EZR: variants seen among roughly 807,000 people sequenced by gnomAD.
The protein encoded by EZR is cytovillin 2.
Under a neutral mutation model 74.8 loss-of-function variants are expected in EZR, and 40 were observed. The observed-to-expected ratio is 0.53, with a 90% CI of 0.42 to 0.70. The LOEUF (loss-of-function observed/expected upper bound fraction) is 0.70, where lower values mean the gene tolerates loss of function less well. EZR is among the 30% of genes least tolerant of loss of function. The pLI, the probability that EZR is intolerant of heterozygous loss-of-function variation, is 0.00. For missense variants in EZR, 678 were observed against 755.8 expected (o/e 0.90, Z 1.21); for synonymous variants, 341 against 283.3 (o/e 1.20, Z -2.05).
In EZR at chr6:158,818,086, T is replaced by G; in HGVS notation, c.8A>C (p.Lys3Thr). 1 of 1,609,300 alleles carries G rather than the reference T, an allele frequency of 6.2e-7. No individual in the cohort carries two copies. The highest frequency in any genetic ancestry group is 8.5e-7 in the Non-Finnish European group (1 of 1,176,784). ...CCCAGAAACTGGGCAACTTACTGGT[T>G]TCGGCATTTTCGGTTTCTGGTGAGT... MP[K>T]PINVRVTTMD... The change falls in exon 2 of 14, where the codon AAA (lysine) becomes ACA (threonine). Residue 3 changes from lysine (K) to threonine (T), a missense_variant. By Grantham distance (78) the Lys-to-Thr change is moderately conservative. Around this residue, in one of 3 missense-constraint regions of EZR, gnomAD observed 217 missense variants for 232.2 expected, o/e 0.93. Coordinates refer to ENST00000367075, the MANE Select transcript of EZR (RefSeq NM_001111077.2).
chr6:158,817,150 A>G (rs534406511), intron 2 of EZR, among the ~76,000 whole-genome samples: 6 of 152,348 alleles, frequency 3.9e-5, no homozygotes, highest in South Asian at 2.1e-4. Flanking sequence ...AACCAAAAAA[A>G]AATTCCAGAT....
At chr6:158,783,424 T>C in intron 7 of EZR, 96 bp downstream of exon 7, 1 of 1,042,004 alleles carries the variant, frequency 9.6e-7, no homozygotes, top group Non-Finnish European at 1.3e-6. Flanking sequence ...AGTTGCTAAA[T>C]AAATACTTCA....
intron 7 of EZR, among the ~76,000 whole-genome samples, chr6:158,776,873 A>ACCTCT (rs1583561510): frequency 2.6e-5 from 4 of 151,656 alleles, no homozygotes. Flanking sequence ...ACACTCACCT[A>ACCTCT]CCTCTCATCC....
chr6:158,773,630 A>C (rs1033464439), intron 8 of EZR, among the ~76,000 whole-genome samples: 1 of 152,254 alleles, frequency 6.6e-6, no homozygotes, highest in Non-Finnish European at 1.5e-5. Flanking sequence ...TCAAGTCCCC[A>C]GGATGCCAGG....
intron 2 of EZR, among the ~76,000 whole-genome samples, chr6:158,811,875 CAAA>C (rs58499377): frequency 3.6e-5 from 5 of 140,720 alleles, no homozygotes; most frequent in Non-Finnish European, 7.7e-5. Context: ...ACCCTGTTTC[CAAA>C]AAAAAAAAAT....
At chr6:158,810,317 T>G (rs1221680637) in intron 2 of EZR, among the ~76,000 whole-genome samples, 1 of 152,210 alleles carries the variant, frequency 6.6e-6, no homozygotes, top group Non-Finnish European at 1.5e-5. Flanking sequence ...AACTGACCAC[T>G]GCTGACTGGG....
intron 2 of EZR, among the ~76,000 whole-genome samples, chr6:158,800,296 A>C (rs1197168884): frequency 6.6e-6 from 1 of 152,230 alleles, no homozygotes; most frequent in Non-Finnish European, 1.5e-5. Context: ...AAAGACATCA[A>C]CACCACTGGT....
chr6:158,766,964 T>A lies in EZR; in HGVS notation c.1711A>T (p.Ile571Phe). 6.2e-7 allele frequency: 1 copy of A among 1,614,192 alleles called. No homozygotes were observed. The highest frequency in any genetic ancestry group is 1.1e-5 in the South Asian group (1 of 91,082). ...CGCTGCTTGGTGTTGCCCTGCCGGA[T>A]CTGCCGCAGCGTCTTGTACTTGTCC... The part of the protein sequence containing the change: ...GRDKYKTLRQ[I>F]RQGNTKQRID... Residue 571 changes from isoleucine (I) to phenylalanine (F), a missense_variant, in exon 14 of 14, where the codon ATC (isoleucine) becomes TTC (phenylalanine). Ile to Phe is a conservative substitution (Grantham distance 21, BLOSUM62 0). Coordinates refer to ENST00000367075, the MANE Select transcript of EZR (RefSeq NM_001111077.2).
intron 9 of EZR, 21 bp downstream of exon 9, chr6:158,771,223 A>G (rs747588378): frequency 1.9e-6 from 3 of 1,590,618 alleles, no homozygotes; most frequent in South Asian, 2.3e-5. Flanking sequence ...GGCCCCCCCC[A>G]CTCTGGCCTC....
At chr6:158,772,092 C>CA in intron 8 of EZR, among the ~76,000 whole-genome samples, 1 of 152,236 alleles carries the variant, frequency 6.6e-6, no homozygotes, top group Non-Finnish European at 1.5e-5. Context: ...CAAAGCTATC[C>CA]AGCCCTGCTC....
At chr6:158,768,777 C>A (rs1791000728) in intron 12 of EZR, among the ~76,000 whole-genome samples, 1 of 152,146 alleles carries the variant, frequency 6.6e-6, no homozygotes, top group Non-Finnish European at 1.5e-5. Flanking sequence ...TTGGGTATTG[C>A]CCCCATTCTA....
intron 3 of EZR, among the ~76,000 whole-genome samples, chr6:158,787,928 T>A (rs1281527979): frequency 1.3e-5 from 2 of 152,220 alleles, no homozygotes; most frequent in Non-Finnish European, 2.9e-5. Flanking sequence ...CTGAGCTGCT[T>A]AGTCTCACGA....
At chr6:158,815,862 G>A (rs1183807748) in intron 2 of EZR, among the ~76,000 whole-genome samples, 3 of 152,198 alleles carry the variant, frequency 2.0e-5, no homozygotes, top group Non-Finnish European at 4.4e-5. Flanking sequence ...ACAAGGTGAT[G>A]GCTACTGTCT....
At position 158,775,034 on chromosome 6, in the gene EZR, C is replaced by CTTTT. The variant is rs397732491; in HGVS notation, c.795+1370_795+1373dup. Among the ~76,000 whole-genome samples, 66 of 121,526 alleles carry CTTTT rather than the reference C, an allele frequency of 5.4e-4. 2 individuals are homozygous for CTTTT. The highest frequency in any genetic ancestry group is 8.3e-4 in the African/African-American group (26 of 31,344). 79.7% of individuals were successfully genotyped at this position (121,526 alleles called of 152,430 possible). A position where few individuals can be genotyped will look rare whatever the true frequency, so the allele number is the denominator to read the frequency against. On this transcript the variant is annotated intron_variant, in intron 8 of 13. Coordinates refer to ENST00000367075, the MANE Select transcript of EZR (RefSeq NM_001111077.2). ...CAAGAGTTTGCAAACAGCAGGAGCC[C>CTTTT]TTTTTTTTTTTTTTTTTTGAGACGG...
At chr6:158,776,367 T>A (rs1426769958) in intron 8 of EZR, 41 bp downstream of exon 8, 7 of 1,495,620 alleles carry the variant, frequency 4.7e-6, no homozygotes, top group Middle Eastern at 1.7e-4. Context: ...AGTATAAGAA[T>A]GAAAAACAGT....
chr6:158,784,515 A>C, intron 6 of EZR, 129 bp downstream of exon 6: 1 of 753,698 alleles, frequency 1.3e-6, no homozygotes, highest in South Asian at 2.1e-5. Context: ...CCCACTTTTA[A>C]CTCGGTTCCC....
chr6:158,796,758 A>ATGG (rs1198831111), intron 2 of EZR, among the ~76,000 whole-genome samples: 20 of 152,324 alleles, frequency 1.3e-4, no homozygotes, highest in Non-Finnish European at 2.8e-4. Context: ...GTTGATGCCA[A>ATGG]CAGTGGCAGT....
chr6:158,792,514 T>C (rs955546898), intron 2 of EZR, among the ~76,000 whole-genome samples: 1 of 151,394 alleles, frequency 6.6e-6, no homozygotes, highest in African/African-American at 2.4e-5. Context: ...AACAACCCAG[T>C]AGCGTGTAGA....
intron 2 of EZR, among the ~76,000 whole-genome samples, chr6:158,815,999 G>GAC (rs1256983344): frequency 6.6e-6 from 1 of 152,202 alleles, no homozygotes. Context: ...AGAAATAAGA[G>GAC]AGAGAAGGGA....
Sources: allele counts gnomAD v4.1 joint callset (sites outside exome capture counted in the v4.1 genomes callset), GRCh38; gene constraint gnomAD v4.1.1; regional missense constraint gnomAD v4.1.1; transcripts MANE v1.5; gene names NCBI Gene and HGNC (gene_info 2026-07-23, HGNC 2026-07-21).